Variants in CNTN1 observed in about 807,000 individuals in gnomAD.
CNTN1 encodes contactin 1.
A neutral mutation model predicts 126.4 loss-of-function variants in CNTN1; 38 were observed. The ratio of observed to expected loss-of-function variants is 0.30; its 90% CI spans 0.23 to 0.39. The LOEUF (loss-of-function observed/expected upper bound fraction) is 0.39, where lower values mean the gene tolerates loss of function less well. Among genes scored for constraint, CNTN1 ranks in the 10% least tolerant of loss-of-function variants. The pLI, the probability that CNTN1 is intolerant of heterozygous loss-of-function variation, is 1.00. For synonymous variants in CNTN1, 413 were observed against 422.6 expected, an observed-to-expected ratio of 0.98 and a Z score of 0.28; for missense variants, 1,009 against 1,248.4, an observed-to-expected ratio of 0.81 and a Z score of 2.89.
chr12:40,896,995 T>C (rs1944435130), intron 1 of CNTN1, among the ~76,000 whole-genome samples: 1 of 152,244 alleles, frequency 6.6e-6, no homozygotes, highest in African/African-American at 2.4e-5. Context: ...ACTTAGGCTT[T>C]TAAAACAGAG....
chr12:40,897,400 C>G (rs909442356), intron 1 of CNTN1, among the ~76,000 whole-genome samples: 3 of 152,068 alleles, frequency 2.0e-5, no homozygotes, highest in African/African-American at 7.2e-5. Flanking sequence ...ACTGTTATTA[C>G]TAACTGGGGC....
intron 1 of CNTN1, among the ~76,000 whole-genome samples, chr12:40,883,070 T>C (rs1318774865): frequency 1.3e-5 from 2 of 151,596 alleles, no homozygotes; most frequent in African/African-American, 4.8e-5. Flanking sequence ...AGGCCATGTG[T>C]TACAATCACC....
At chr12:41,017,381 CAAA>C (rs1178250513) in intron 19 of CNTN1, among the ~76,000 whole-genome samples, 4 of 79,620 alleles carry the variant, frequency 5.0e-5, no homozygotes, top group Admixed American at 1.4e-4. Flanking sequence ...GACTCCGTCT[CAAA>C]AAAAAAAAAA....
At chr12:40,746,294 C>T (rs897605291) in intron 1 of CNTN1, among the ~76,000 whole-genome samples, 2 of 152,044 alleles carry the variant, frequency 1.3e-5, no homozygotes, top group Non-Finnish European at 2.9e-5. Context: ...TACTTATTAA[C>T]GAGCTTGATT....
intron 14 of CNTN1, among the ~76,000 whole-genome samples, chr12:40,948,345 C>T (rs1449211602): frequency 8.8e-6 from 1 of 113,984 alleles, no homozygotes; most frequent in East Asian, 2.6e-4. Flanking sequence ...GATACTTAGA[C>T]TGAGACCAAA....
rs543594068 is a variant in CNTN1 at position 40,700,280 on chromosome 12, C to A, written c.-77+7688C>A. Among the ~76,000 whole-genome samples, 260 of 152,146 alleles carry A rather than the reference C, an allele frequency of 1.7e-3. 1 individual carries two copies. The highest frequency in any genetic ancestry group is 5.7e-3 in the African/African-American group (238 of 41,494). On this transcript the variant is annotated intron_variant, in intron 1 of 23. Coordinates refer to ENST00000551295, the MANE Select transcript of CNTN1 (RefSeq NM_001843.4). ...TGGTGGCTCACGCCTGTAATCCCAG[C>A]ACTTTGGGAGGACGAGGCGGGCAGA... is the stretch of plus-strand genomic sequence containing the variant.
intron 17 of CNTN1, among the ~76,000 whole-genome samples, chr12:41,001,731 G>A (rs905551881): frequency 6.6e-6 from 1 of 152,038 alleles, no homozygotes; most frequent in African/African-American, 2.4e-5. Flanking sequence ...TGCCTAAGTT[G>A]TCCTCCAGGG....
At position 40,959,100 on chromosome 12, in the gene CNTN1, G is replaced by GT; in HGVS notation, c.1684-9dup. On this transcript the variant is annotated splice_polypyrimidine_tract_variant and intron_variant, in intron 14 of 23. Coordinates refer to ENST00000551295, the MANE Select transcript of CNTN1 (RefSeq NM_001843.4). The stretch of plus-strand genomic sequence containing the variant: ...AAATGTACTGATTTGAATAATTGCT[G>GT]TTTTTGCTAACAGCTGGATTCCAAT... 6.2e-7 allele frequency: 1 copy of GT among 1,611,954 alleles called. No individual in the cohort carries two copies. Among genetic ancestry groups the GT allele is most frequent in the Non-Finnish European group, 8.5e-7 (1 of 1,178,694 alleles).
At chr12:40,763,493 T>G (rs1176919614) in intron 1 of CNTN1, among the ~76,000 whole-genome samples, 1 of 152,044 alleles carries the variant, frequency 6.6e-6, no homozygotes, top group Non-Finnish European at 1.5e-5. Context: ...AAAAATGTAG[T>G]AAGAACAAAC....
chr12:40,791,577 G>T (rs1369144816), intron 1 of CNTN1, among the ~76,000 whole-genome samples: 1 of 152,052 alleles, frequency 6.6e-6, no homozygotes, highest in Non-Finnish European at 1.5e-5. Context: ...TTTAAATATT[G>T]TAGTCATACA....
chr12:40,964,913 G>A (rs1311393169), intron 15 of CNTN1, among the ~76,000 whole-genome samples: 1 of 152,048 alleles, frequency 6.6e-6, no homozygotes, highest in Non-Finnish European at 1.5e-5. Flanking sequence ...ACTCCCAGCT[G>A]GTTTACATTA....
chr12:40,887,255 T>G (rs1182072344), intron 1 of CNTN1, among the ~76,000 whole-genome samples: 2 of 152,098 alleles, frequency 1.3e-5, no homozygotes, highest in East Asian at 3.8e-4. Context: ...GAGCAGTGGT[T>G]TGTAGTTCTC....
chr12:40,846,183 T>A (rs987110289), intron 1 of CNTN1, among the ~76,000 whole-genome samples: 14 of 151,916 alleles, frequency 9.2e-5, no homozygotes, highest in African/African-American at 3.4e-4. Flanking sequence ...TGGCAGGGAT[T>A]GGGGTGAGGG....
intron 6 of CNTN1, among the ~76,000 whole-genome samples, chr12:40,926,644 A>C (rs1357875457): frequency 1.3e-5 from 2 of 152,100 alleles, no homozygotes; most frequent in Admixed American, 1.3e-4. Flanking sequence ...CAAAGGTGGA[A>C]ACAAGAGATC....
chr12:40,719,475 G>A (rs373715997), intron 1 of CNTN1, among the ~76,000 whole-genome samples: 43 of 152,116 alleles, frequency 2.8e-4, no homozygotes, highest in South Asian at 1.0e-3. Context: ...ATGATCGATC[G>A]GGCTTATAAA....
chr12:40,752,721 G>A (rs1287884469), intron 1 of CNTN1, among the ~76,000 whole-genome samples: 1 of 152,030 alleles, frequency 6.6e-6, no homozygotes, highest in East Asian at 1.9e-4. Context: ...TTTCACAAAA[G>A]TTAAAGACAA....
chr12:40,776,597 GAAAC>G (rs1565720074), intron 1 of CNTN1, among the ~76,000 whole-genome samples: 2 of 151,632 alleles, frequency 1.3e-5, no homozygotes, highest in African/African-American at 4.8e-5. Flanking sequence ...AAACAAACAG[GAAAC>G]AAACAAAAAT....
chr12:40,978,534 T>G (rs1947741424), intron 15 of CNTN1, among the ~76,000 whole-genome samples: 1 of 152,136 alleles, frequency 6.6e-6, no homozygotes, highest in Non-Finnish European at 1.5e-5. Context: ...TATAATAAAT[T>G]TATTTATCTA....
At chr12:40,729,100 G>A (rs1222921083) in intron 1 of CNTN1, 2 of 183,492 alleles carry the variant, frequency 1.1e-5, no homozygotes, top group Admixed American at 5.3e-5. Flanking sequence ...CTGGTGCCAA[G>A]TTATAGGCAA....
Sources: gnomAD v4.1 joint callset for allele counts (sites outside exome capture counted in the v4.1 genomes callset) on GRCh38, gnomAD v4.1.1 for gene constraint, MANE v1.5 for transcripts, NCBI Gene and HGNC (gene_info 2026-07-23, HGNC 2026-07-21) for gene names.